CNTNAP2: variants seen among roughly 807,000 people sequenced by gnomAD.
The protein encoded by CNTNAP2 is contactin associated protein 2.
CNTNAP2 carries 98 observed loss-of-function variants against 155.2 expected under a neutral mutation model. The ratio of observed to expected loss-of-function variants is 0.63; its 90% CI spans 0.54 to 0.75. The LOEUF (loss-of-function observed/expected upper bound fraction) is 0.75. CNTNAP2 is among the 30% of genes least tolerant of loss of function. CNTNAP2 has a pLI of 0.00. For synonymous variants in CNTNAP2, 651 were observed against 631.2 expected (o/e 1.03, Z -0.47); for missense variants, 1,727 against 1,688.1 (o/e 1.02, Z -0.40).
intron 1 of CNTNAP2, among the ~76,000 whole-genome samples, chr7:146,220,410 G>A (rs764787745): frequency 6.6e-6 from 1 of 152,098 alleles, no homozygotes; most frequent in Non-Finnish European, 1.5e-5. Flanking sequence ...TATGATAGTT[G>A]CAGGAAGGAC....
intron 3 of CNTNAP2, among the ~76,000 whole-genome samples, chr7:147,004,166 A>T (rs1052755325): frequency 6.6e-6 from 1 of 151,404 alleles, no homozygotes; most frequent in Non-Finnish European, 1.5e-5. Context: ...CTATTGAAGA[A>T]TAAAATCGAT....
At chr7:147,957,197 T>C (rs73168511) in intron 14 of CNTNAP2, among the ~76,000 whole-genome samples, 14,055 of 152,182 alleles carry the variant, frequency 0.092, 738 homozygotes, top group Non-Finnish European at 0.11. Context: ...TGGGTTAGCA[T>C]GGGTTAGCAG....
chr7:147,752,647 G>T (rs531766969), intron 13 of CNTNAP2, among the ~76,000 whole-genome samples: 1 of 152,242 alleles, frequency 6.6e-6, no homozygotes, highest in Admixed American at 6.5e-5. Context: ...TTGAAGTTGT[G>T]GCAGGCTGCT....
At chr7:147,576,245 C>T (rs1319631231) in intron 12 of CNTNAP2, among the ~76,000 whole-genome samples, 1 of 152,056 alleles carries the variant, frequency 6.6e-6, no homozygotes, top group African/African-American at 2.4e-5. Flanking sequence ...ATAGACCTCA[C>T]CACTGTGTCT....
At chr7:147,690,767 A>G (rs1446697150) in intron 13 of CNTNAP2, among the ~76,000 whole-genome samples, 1 of 152,122 alleles carries the variant, frequency 6.6e-6, no homozygotes, top group South Asian at 2.1e-4. Context: ...TTATCATTGT[A>G]TATTTGAATA....
intron 3 of CNTNAP2, among the ~76,000 whole-genome samples, chr7:146,970,674 C>G (rs111856520): frequency 6.6e-6 from 1 of 151,926 alleles, no homozygotes; most frequent in South Asian, 2.1e-4. Flanking sequence ...GGATCTAGAA[C>G]TAGAAATACC....
intron 13 of CNTNAP2, among the ~76,000 whole-genome samples, chr7:147,699,578 A>G (rs943835740): frequency 6.7e-6 from 1 of 150,340 alleles, no homozygotes; most frequent in Non-Finnish European, 1.5e-5. Context: ...CTGCACATGT[A>G]CCCCAGAACT....
intron 15 of CNTNAP2, among the ~76,000 whole-genome samples, chr7:148,068,119 C>A (rs545479667): frequency 1.9e-4 from 29 of 152,260 alleles, no homozygotes; most frequent in African/African-American, 7.0e-4. Flanking sequence ...CCTCTCCCCA[C>A]CTGCTGTAGC....
At chr7:147,368,730 G>A (rs370193999) in intron 9 of CNTNAP2, among the ~76,000 whole-genome samples, 6 of 152,126 alleles carry the variant, frequency 3.9e-5, no homozygotes, top group South Asian at 2.1e-4. Context: ...TGATTATCTC[G>A]CAGTTGCTTT....
intron 20 of CNTNAP2, among the ~76,000 whole-genome samples, chr7:148,239,504 G>C (rs1239768520): frequency 3.3e-5 from 5 of 152,170 alleles, no homozygotes; most frequent in Non-Finnish European, 7.3e-5. Context: ...TATGTATCCA[G>C]AGAAGCCTGT....
At chr7:147,369,854 C>T (rs1796312512) in intron 9 of CNTNAP2, among the ~76,000 whole-genome samples, 1 of 152,066 alleles carries the variant, frequency 6.6e-6, no homozygotes, top group South Asian at 2.1e-4. Context: ...TTTGTATTTA[C>T]CTGCATAAAT....
intron 10 of CNTNAP2, among the ~76,000 whole-genome samples, chr7:147,476,110 T>G (rs1176521619): frequency 6.6e-6 from 1 of 152,012 alleles, no homozygotes; most frequent in Non-Finnish European, 1.5e-5. Flanking sequence ...TTTATTTATT[T>G]ATTTATTTAT....
intron 10 of CNTNAP2, among the ~76,000 whole-genome samples, chr7:147,396,438 G>C (rs1384329679): frequency 6.6e-6 from 1 of 151,878 alleles, no homozygotes. Flanking sequence ...CAGTGTGCAA[G>C]ATGGGTATTT....
chr7:146,769,732 C>G (rs910721793), intron 1 of CNTNAP2, among the ~76,000 whole-genome samples: 2 of 148,624 alleles, frequency 1.3e-5, no homozygotes, highest in East Asian at 4.0e-4. Context: ...GAAACTCACT[C>G]TGTAAAAGCT....
intron 1 of CNTNAP2, among the ~76,000 whole-genome samples, chr7:146,656,676 T>G (rs1156945411): frequency 6.6e-6 from 1 of 152,190 alleles, no homozygotes. Context: ...GCCAAGACTT[T>G]ACCTCTCAGA....
chr7:148,395,342 G>A (rs1299107631), intron 22 of CNTNAP2, among the ~76,000 whole-genome samples: 2 of 151,522 alleles, frequency 1.3e-5, no homozygotes, highest in African/African-American at 2.4e-5. Context: ...AATGTGAACC[G>A]AAGTCAACAA....
At chr7:147,873,273 T>C (rs182048550) in intron 13 of CNTNAP2, among the ~76,000 whole-genome samples, 22 of 152,278 alleles carry the variant, frequency 1.4e-4, no homozygotes, top group Admixed American at 2.6e-4. Context: ...AAGAAAAATG[T>C]AAAATATAAA....
At chr7:147,597,602 T>TTGAA (rs914496850) in intron 12 of CNTNAP2, among the ~76,000 whole-genome samples, 4 of 152,266 alleles carry the variant, frequency 2.6e-5, no homozygotes, top group Non-Finnish European at 4.4e-5. Context: ...AAGCAGCTTA[T>TTGAA]TGAATGAATG....
chr7:148,054,533 C>G (rs571835439), intron 15 of CNTNAP2, among the ~76,000 whole-genome samples: 31 of 139,388 alleles, frequency 2.2e-4, no homozygotes, highest in African/African-American at 8.4e-4. Flanking sequence ...GAGTGCTAGG[C>G]ATTCTGGGTT....
Sources: gnomAD v4.1 joint callset for allele counts (sites outside exome capture counted in the v4.1 genomes callset) on GRCh38, gnomAD v4.1.1 for gene constraint, MANE v1.5 for transcripts, NCBI Gene and HGNC (gene_info 2026-07-23, HGNC 2026-07-21) for gene names.